Variants in SH3GL2 observed in about 807,000 individuals in gnomAD.
SH3GL2 encodes the protein endophilin-A1.
Under a neutral mutation model 46.0 loss-of-function variants are expected in SH3GL2, and 24 were observed. The observed-to-expected ratio is 0.52, with a 90% CI of 0.38 to 0.73. The LOEUF (loss-of-function observed/expected upper bound fraction) is 0.73. Ranked by LOEUF, SH3GL2 falls within the 30% of genes least tolerant of loss-of-function variation. The pLI, the probability that SH3GL2 is intolerant of heterozygous loss-of-function variation, is 0.00. For synonymous variants in SH3GL2, 196 were observed against 147.1 expected, an observed-to-expected ratio of 1.33 and a Z score of -2.40; for missense variants, 413 against 424.2, an observed-to-expected ratio of 0.97 and a Z score of 0.23.
chr9:17,777,917 G>A (rs1183769110), intron 3 of SH3GL2, among the ~76,000 whole-genome samples: 5 of 151,618 alleles, frequency 3.3e-5, no homozygotes, highest in Non-Finnish European at 7.4e-5. Flanking sequence ...TTTAGCGTAG[G>A]TTGGGCTCTC....
intron 1 of SH3GL2, among the ~76,000 whole-genome samples, chr9:17,617,058 A>T (rs1037476793): frequency 1.3e-5 from 2 of 152,278 alleles, no homozygotes; most frequent in African/African-American, 4.8e-5. Flanking sequence ...TAGGAATGCT[A>T]GCATACATAC....
chr9:17,783,736 C>A (rs1823877317), intron 3 of SH3GL2, among the ~76,000 whole-genome samples: 2 of 152,090 alleles, frequency 1.3e-5, no homozygotes, highest in African/African-American at 4.8e-5. Context: ...TTGCTTCCTG[C>A]TGTTTTAATT....
intron 1 of SH3GL2, among the ~76,000 whole-genome samples, chr9:17,634,952 A>G (rs777221553): frequency 7.2e-5 from 11 of 152,180 alleles, no homozygotes; most frequent in Non-Finnish European, 1.6e-4. Flanking sequence ...TTGTGATGCA[A>G]GTAGTTATTT....
intron 3 of SH3GL2, 187 bp downstream of exon 3, chr9:17,761,696 G>A: frequency 1.6e-6 from 1 of 643,356 alleles, no homozygotes. Flanking sequence ...AGCTCACATT[G>A]AAGTAACTGG....
chr9:17,580,308 G>A (rs1818254128), intron 1 of SH3GL2, among the ~76,000 whole-genome samples: 2 of 152,138 alleles, frequency 1.3e-5, no homozygotes, highest in African/African-American at 4.8e-5. Flanking sequence ...TAATTAACGA[G>A]CTTTCTCATA....
At chr9:17,746,180 A>G (rs971586164) in intron 1 of SH3GL2, among the ~76,000 whole-genome samples, 1 of 152,094 alleles carries the variant, frequency 6.6e-6, no homozygotes, top group South Asian at 2.1e-4. Flanking sequence ...TGTTCACACC[A>G]TTCTCCTGCC....
chr9:17,771,440 C>A (rs112718698), intron 3 of SH3GL2, among the ~76,000 whole-genome samples: 1 of 152,294 alleles, frequency 6.6e-6, no homozygotes, highest in East Asian at 1.9e-4. Context: ...GCTAACCCAG[C>A]AGTTCCTCCC....
chr9:17,723,546 C>T (rs1174936923), intron 1 of SH3GL2, among the ~76,000 whole-genome samples: 2 of 152,098 alleles, frequency 1.3e-5, no homozygotes, highest in East Asian at 1.9e-4. Context: ...TTAACTTCTC[C>T]TAAACTTTCA....
intron 3 of SH3GL2, among the ~76,000 whole-genome samples, chr9:17,774,390 C>G (rs1336066057): frequency 1.3e-5 from 2 of 152,088 alleles, no homozygotes; most frequent in Non-Finnish European, 1.5e-5. Context: ...AGCTTTCAGT[C>G]TTTCACCATT....
chr9:17,640,490 A>G (rs1239686669), intron 1 of SH3GL2, among the ~76,000 whole-genome samples: 1 of 152,130 alleles, frequency 6.6e-6, no homozygotes, highest in African/African-American at 2.4e-5. Context: ...AGAGCTTGTC[A>G]TAATATTAAA....
Position 17,787,529 on chromosome 9 carries a change from C to T in SH3GL2, c.465+16C>T. 1 of 1,606,898 alleles carries T rather than the reference C, an allele frequency of 6.2e-7. No individual in the cohort carries two copies. Among genetic ancestry groups the T allele is most frequent in the Non-Finnish European group, 8.5e-7 (1 of 1,175,500 alleles). On this transcript the variant is annotated intron_variant, in intron 5 of 8. Coordinates refer to ENST00000380607, the MANE Select transcript of SH3GL2 (RefSeq NM_003026.5). ...GGAAATTCAAGTATGTACAATGAGT[C>T]TTCTGGAAAGTGGGCAGTTGAAATC... is the stretch of plus-strand genomic sequence containing the variant.
intron 1 of SH3GL2, among the ~76,000 whole-genome samples, chr9:17,732,620 G>T (rs963998503): frequency 6.6e-6 from 1 of 152,106 alleles, no homozygotes; most frequent in Admixed American, 6.6e-5. Flanking sequence ...TGGGAGCACA[G>T]AGGGGTTTGG....
At chr9:17,724,325 C>G (rs533088162) in intron 1 of SH3GL2, among the ~76,000 whole-genome samples, 1 of 152,226 alleles carries the variant, frequency 6.6e-6, no homozygotes, top group East Asian at 1.9e-4. Context: ...CCATTTGACT[C>G]TTTTAGAAAA....
chr9:17,589,224 G>A (rs1818433727), intron 1 of SH3GL2: 1 of 152,152 alleles, frequency 6.6e-6, no homozygotes, highest in African/African-American at 2.4e-5. Context: ...GGGGTATAAT[G>A]GGGCGATCAC....
intron 1 of SH3GL2, among the ~76,000 whole-genome samples, chr9:17,680,032 A>T (rs1489173432): frequency 6.6e-6 from 1 of 152,160 alleles, no homozygotes; most frequent in African/African-American, 2.4e-5. Flanking sequence ...TCGGTTTGCC[A>T]GTATTTTATT....
chr9:17,579,344 C>A, intron 1 of SH3GL2, 57 bp downstream of exon 1: 4 of 1,277,306 alleles, frequency 3.1e-6, no homozygotes, highest in Non-Finnish European at 4.3e-6. Flanking sequence ...GCGAGGGGCG[C>A]GCTCGGCGCT....
At position 17,579,233 on chromosome 9, in the gene SH3GL2, C is replaced by G. The variant is rs768634353; in HGVS notation, c.-10C>G. ...CCCGCACAGCAGCCGCCAGCGCGGC[C>G]TCCTGCACCATGTCGGTGGCCGGCC... On this transcript the variant is annotated 5_prime_UTR_variant, in exon 1 of 9. Transcript: ENST00000380607. 3.2e-6 allele frequency: 5 copies of G among 1,556,698 alleles called. No homozygotes were observed. The highest frequency in any genetic ancestry group is 2.6e-5 in the East Asian group (1 of 38,594).
intron 1 of SH3GL2, among the ~76,000 whole-genome samples, chr9:17,694,370 A>AT (rs1355146449): frequency 6.6e-6 from 1 of 152,230 alleles, no homozygotes; most frequent in Non-Finnish European, 1.5e-5. Context: ...TTGATTGCCT[A>AT]TTTTTTAATG....
intron 1 of SH3GL2, among the ~76,000 whole-genome samples, chr9:17,646,173 A>G (rs1248396330): frequency 6.6e-6 from 1 of 151,210 alleles, no homozygotes; most frequent in Non-Finnish European, 1.5e-5. Flanking sequence ...TTGGCTATTG[A>G]TGCTTGTGTA....
Sources: gnomAD v4.1 joint callset for allele counts (sites outside exome capture counted in the v4.1 genomes callset) on GRCh38, gnomAD v4.1.1 for gene constraint, MANE v1.5 for transcripts, NCBI Gene and HGNC (gene_info 2026-07-23, HGNC 2026-07-21) for gene names.